The following MTMR8 variants were observed in gnomAD, a reference collection of about 807,000 sequenced individuals.
MTMR8 encodes the protein phosphatidylinositol-3,5-bisphosphate 3-phosphatase MTMR8.
MTMR8 carries 65 observed loss-of-function variants against 39.3 expected under a neutral mutation model. The observed-to-expected ratio is 1.65, with a 90% CI of 1.35 to 2.03. MTMR8 has a LOEUF of 2.03. Ranked by LOEUF, MTMR8 falls within the 30% of genes most tolerant of loss-of-function variation. The probability of loss-of-function intolerance (pLI) is 0.00; values close to 1 mark genes in which losing one functional copy is unlikely to be tolerated. For missense variants in MTMR8, 777 were observed against 538.9 expected, an observed-to-expected ratio of 1.44 and a Z score of -4.37; for synonymous variants, 245 against 185.2, an observed-to-expected ratio of 1.32 and a Z score of -2.62.
intron 12 of MTMR8, among the ~76,000 whole-genome samples, chrX:64,311,438 G>T (rs960067171): frequency 7.2e-5 from 8 of 111,309 alleles, no homozygotes; most frequent in African/African-American, 2.6e-4. Flanking sequence ...CTCCCATTCT[G>T]TAGGTTGCCT....
intron 1 of MTMR8, among the ~76,000 whole-genome samples, chrX:64,378,216 C>T (rs1327228668): frequency 8.9e-6 from 1 of 111,752 alleles, no homozygotes; most frequent in East Asian, 2.8e-4. Context: ...GCAGCCTGAA[C>T]AGACTAAAAC....
chrX:64,370,046 G>C (rs985760875), intron 1 of MTMR8, among the ~76,000 whole-genome samples: 1 of 110,996 alleles, frequency 9.0e-6, no homozygotes, highest in African/African-American at 3.3e-5. Context: ...TGAGATGGGG[G>C]AGTGGAATGG....
intron 12 of MTMR8, among the ~76,000 whole-genome samples, chrX:64,290,419 C>T (rs559847269): frequency 1.1e-3 from 118 of 110,367 alleles, no homozygotes; most frequent in Middle Eastern, 4.7e-3. Context: ...TGACCAGATG[C>T]ACATTAAACA....
Position 64,271,074 on chromosome X carries a change from C to T in MTMR8, c.1482-1G>A. On this transcript the variant is annotated splice_acceptor_variant, in intron 12 of 13. Coordinates refer to ENST00000374852, the MANE Select transcript of MTMR8 (RefSeq NM_017677.4). LOFTEE classifies it high-confidence loss of function. Reference sequence around the variant, plus strand: ...GCGGTTATACATCCCACACCAGAACCTCAAATAGACAAAAATGGGGGGAAA... The same window carrying T: ...GCGGTTATACATCCCACACCAGAACTTCAAATAGACAAAAATGGGGGGAAA... The T allele has an allele frequency of 1.7e-6, 2 of 1,183,871 alleles. No individual in the cohort carries two copies. Among genetic ancestry groups the T allele is most frequent in the South Asian group, 3.9e-5 (2 of 51,797 alleles).
chrX:64,287,887 T>A (rs746556428), intron 12 of MTMR8, among the ~76,000 whole-genome samples: 4 of 104,283 alleles, frequency 3.8e-5, no homozygotes, highest in African/African-American at 6.9e-5. Flanking sequence ...AGACAATACC[T>A]TTCAGGACAT....
At chrX:64,354,443 T>C (rs1923568495) in intron 4 of MTMR8, among the ~76,000 whole-genome samples, 1 of 111,686 alleles carries the variant, frequency 9.0e-6, no homozygotes, top group Admixed American at 9.5e-5. Context: ...ACAACTATTA[T>C]ATATCCATAA....
chrX:64,314,928 C>A (rs1489423279), intron 12 of MTMR8, among the ~76,000 whole-genome samples: 3 of 111,541 alleles, frequency 2.7e-5, no homozygotes, highest in Non-Finnish European at 5.7e-5. Flanking sequence ...GGCTGGGGCC[C>A]TAAGAGAGGC....
intron 12 of MTMR8, 23 bp from the exon 13 acceptor site, chrX:64,271,096 G>A: frequency 6.8e-6 from 8 of 1,174,203 alleles, no homozygotes; most frequent in Non-Finnish European, 8.0e-6. Context: ...AAAATGGGGG[G>A]AAAAGTGGGT....
At chrX:64,370,855 C>G (rs1924112794) in intron 1 of MTMR8, among the ~76,000 whole-genome samples, 1 of 111,654 alleles carries the variant, frequency 9.0e-6, no homozygotes, top group Non-Finnish European at 1.9e-5. Flanking sequence ...ATTAGGGATC[C>G]TCAATATCCA....
chrX:64,300,310 A>G (rs996161812), intron 12 of MTMR8, among the ~76,000 whole-genome samples: 5 of 111,524 alleles, frequency 4.5e-5, no homozygotes, highest in Non-Finnish European at 7.5e-5. Context: ...CTTCTTGTTG[A>G]ATTGATCCCT....
At chrX:64,344,979 T>C (rs947421943) in intron 7 of MTMR8, 66 bp downstream of exon 7, 27 of 1,134,376 alleles carry the variant, frequency 2.4e-5, no homozygotes, top group Admixed American at 4.9e-5. Flanking sequence ...AAATCAGGCA[T>C]GCTTTCTGCT....
At chrX:64,309,423 G>A (rs1223596252) in intron 12 of MTMR8, among the ~76,000 whole-genome samples, 1 of 110,567 alleles carries the variant, frequency 9.0e-6, no homozygotes, top group East Asian at 2.8e-4. Flanking sequence ...ATGTTGGAAA[G>A]CAATTGATTT....
intron 1 of MTMR8, among the ~76,000 whole-genome samples, chrX:64,386,762 C>T (rs778313341): frequency 1.4e-4 from 16 of 111,484 alleles, no homozygotes; most frequent in South Asian, 7.6e-4. Context: ...AGTCAAAAAG[C>T]GCCAGGTACA....
chrX:64,386,148 C>A (rs1004064720), intron 1 of MTMR8, among the ~76,000 whole-genome samples: 21 of 111,120 alleles, frequency 1.9e-4, no homozygotes, highest in African/African-American at 6.2e-4. Context: ...TATTTTTATT[C>A]TATTCTGTTT....
intron 1 of MTMR8, among the ~76,000 whole-genome samples, chrX:64,371,361 A>G (rs1924127558): frequency 1.8e-5 from 2 of 112,340 alleles, no homozygotes; most frequent in South Asian, 7.3e-4. Flanking sequence ...TTTAAATGAC[A>G]TGGAGCTACT....
intron 12 of MTMR8, among the ~76,000 whole-genome samples, chrX:64,314,609 G>A (rs970563651): frequency 8.8e-6 from 1 of 113,104 alleles, no homozygotes; most frequent in African/African-American, 3.2e-5. Context: ...CAGCAGCGGT[G>A]GAGGGTAGAG....
At chrX:64,278,368 T>C (rs1342233027) in intron 12 of MTMR8, among the ~76,000 whole-genome samples, 7 of 109,570 alleles carry the variant, frequency 6.4e-5, no homozygotes, top group Non-Finnish European at 1.1e-4. Flanking sequence ...TTTGTGGATT[T>C]ATCTACCTTT....
chrX:64,345,530 A>C (rs1306872153), intron 6 of MTMR8, among the ~76,000 whole-genome samples: 1 of 112,446 alleles, frequency 8.9e-6, no homozygotes, highest in African/African-American at 3.2e-5. Context: ...AGGGTTTTAT[A>C]CTGAGAAACA....
At chrX:64,364,903 A>G (rs1353983310) in intron 1 of MTMR8, among the ~76,000 whole-genome samples, 2 of 111,720 alleles carry the variant, frequency 1.8e-5, no homozygotes, top group Non-Finnish European at 3.8e-5. Flanking sequence ...TAAACAGTGT[A>G]GAGAAGACCT....
Sources: gnomAD v4.1 joint callset for allele counts (sites outside exome capture counted in the v4.1 genomes callset) on GRCh38, gnomAD v4.1.1 for gene constraint, MANE v1.5 for transcripts, NCBI Gene and HGNC (gene_info 2026-07-23, HGNC 2026-07-21) for gene names.